The following TGFB3 variants were observed in gnomAD, a reference collection of about 807,000 sequenced individuals.
TGFB3 encodes transforming growth factor beta 3.
TGFB3 carries 5 observed loss-of-function variants against 40.1 expected under a neutral mutation model. The ratio of observed to expected loss-of-function variants is 0.12; its 90% CI spans 0.07 to 0.26. The LOEUF is 0.26. TGFB3 is among the 10% of genes least tolerant of loss of function. The pLI, the probability that TGFB3 is intolerant of heterozygous loss-of-function variation, is 1.00. For missense variants in TGFB3, 373 were observed against 530.1 expected (o/e 0.70, Z 2.91); for synonymous variants, 184 against 205.6 (o/e 0.89, Z 0.90).
At chr14:75,961,180 G>A in intron 5 of TGFB3, 104 bp from the exon 6 acceptor site, 1 of 1,371,324 alleles carries the variant, frequency 7.3e-7, no homozygotes, top group South Asian at 1.2e-5. Context: ...TGCCATCATA[G>A]GTGGCTCTGA....
At chr14:75,969,497 T>C (rs561157349) in intron 3 of TGFB3, among the ~76,000 whole-genome samples, 1 of 152,322 alleles carries the variant, frequency 6.6e-6, no homozygotes, top group Admixed American at 6.5e-5. Flanking sequence ...TGTTTCCTTA[T>C]CTAAAATAAG....
chr14:75,982,465 G>C (rs2035447755), upstream of TGFB3, among the ~76,000 whole-genome samples: 1 of 152,110 alleles, frequency 6.6e-6, no homozygotes, highest in South Asian at 2.1e-4. This position sits in a 1 kb window ranked among gnomAD's most constrained non-coding sequence, Gnocchi z 4.0. Context: ...CCTGCGAGCC[G>C]GGTCGGAGGG....
chr14:75,961,283 CAG>C (rs1347775654), intron 5 of TGFB3, among the ~76,000 whole-genome samples: 7 of 152,256 alleles, frequency 4.6e-5, no homozygotes, highest in East Asian at 3.9e-4. Flanking sequence ...ATGTAAGAAA[CAG>C]AGATAAATGC....
Position 75,971,352 on chromosome 14 carries a change from C to T in TGFB3, c.517-97G>A, listed in dbSNP as rs566500252. 10 of 1,584,792 alleles carry T rather than the reference C, an allele frequency of 6.3e-6. No homozygotes were observed. Among genetic ancestry groups the T allele is most frequent in the Non-Finnish European group, 8.6e-6 (10 of 1,159,518 alleles). On this transcript the variant is annotated intron_variant, in intron 2 of 6. Coordinates refer to ENST00000238682, the MANE Select transcript of TGFB3 (RefSeq NM_003239.5). This position sits in a 1 kb window ranked among gnomAD's most constrained non-coding sequence, Gnocchi z 4.5. ...CACAGGTGAGGGAGCGATAGGAAAC[C>T]AGTGGTTCCTGAATGCCATGGCCCT... is the stretch of plus-strand genomic sequence containing the variant.
Position 75,980,395 on chromosome 14 carries a change from C to CGGAG in TGFB3, c.352+143_352+146dup, listed in dbSNP as rs1307684595. 3 of 861,420 alleles carry CGGAG rather than the reference C, an allele frequency of 3.5e-6. No homozygotes were observed. Among genetic ancestry groups the CGGAG allele is most frequent in the Non-Finnish European group, 5.7e-6 (3 of 522,450 alleles). The allele number at this position is 861,420 out of a possible 1,614,324, so 53.4% of individuals were successfully genotyped here. A position where few individuals can be genotyped will look rare whatever the true frequency, so the allele number is the denominator to read the frequency against. Reference sequence around the variant, plus strand: ...TCCCCACCCACCTCCCCAGCCCCAACGGAGGAGCATCGCACATCCTGAGCC... The same window carrying CGGAG: ...TCCCCACCCACCTCCCCAGCCCCAACGGAGGGAGGAGCATCGCACATCCTGAGCC... On this transcript the variant is annotated intron_variant, in intron 1 of 6. Coordinates refer to ENST00000238682, the MANE Select transcript of TGFB3 (RefSeq NM_003239.5). The surrounding 1 kb of genome is among the most constrained non-coding windows in gnomAD (Gnocchi z 4.3).
intron 1 of TGFB3, among the ~76,000 whole-genome samples, chr14:75,973,241 G>A (rs996169576): frequency 6.6e-6 from 1 of 152,252 alleles, no homozygotes; most frequent in African/African-American, 2.4e-5. Context: ...GGTTGTTGAG[G>A]AAGTCACAGA....
rs554391226 is a variant in TGFB3, at chr14:75,964,944, G to A, written c.754+644C>T. ...CCGCAGTTACCCAAAATGGGAATAT[G>A]AAAGGAAAAGAGAACTTCCCTGAAC... On this transcript the variant is annotated intron_variant, in intron 4 of 6. Transcript: ENST00000238682. Among the ~76,000 whole-genome samples, 7 of 152,328 alleles carry A rather than the reference G, an allele frequency of 4.6e-5. No homozygotes were observed. In the South Asian group the frequency reaches 1.5e-3, roughly 32 times the overall value.
intron 1 of TGFB3, among the ~76,000 whole-genome samples, chr14:75,972,926 C>G (rs1482639084): frequency 6.6e-6 from 1 of 152,192 alleles, no homozygotes; most frequent in African/African-American, 2.4e-5. Context: ...ACCATTGGCT[C>G]CTTTCTCTTT....
At position 75,971,340 on chromosome 14, in the gene TGFB3, G is replaced by T; in HGVS notation, c.517-85C>A. ...CACAATGCAGAGCACAGGTGAGGGAGCGATAGGAAACCAGTGGTTCCTGAA... is the reference window on the plus strand; with the variant it reads ...CACAATGCAGAGCACAGGTGAGGGATCGATAGGAAACCAGTGGTTCCTGAA... On this transcript the variant is annotated intron_variant, in intron 2 of 6. Transcript: ENST00000238682. The surrounding 1 kb of genome is among the most constrained non-coding windows in gnomAD (Gnocchi z 4.5). The T allele has an allele frequency of 6.2e-7, 1 of 1,602,924 alleles. No homozygotes were observed.
chr14:75,960,843 C>G (rs1046965155), intron 6 of TGFB3, 80 bp downstream of exon 6: 1 of 1,590,036 alleles, frequency 6.3e-7, no homozygotes, highest in Non-Finnish European at 8.6e-7. Context: ...ACTCAACATT[C>G]AATCCTTCAC....
In TGFB3 at chr14:75,979,919, C is replaced by T. The variant is rs2035403752; in HGVS notation, c.352+623G>A. On this transcript the variant is annotated intron_variant, in intron 1 of 6. Transcript: ENST00000238682. The surrounding 1 kb of genome is among the most constrained non-coding windows in gnomAD (Gnocchi z 4.8). ...CCCTGGGAACATTCGTGCATACCCT[C>T]TTCCTTCCACACACACAGCTCACGT... Among the ~76,000 whole-genome samples, 1 of 152,202 alleles carries T rather than the reference C, an allele frequency of 6.6e-6. No individual in the cohort carries two copies. Among genetic ancestry groups the T allele is most frequent in the African/African-American group, 2.4e-5 (1 of 41,466 alleles).
intron 1 of TGFB3, among the ~76,000 whole-genome samples, chr14:75,974,630 TG>T (rs915731196): frequency 4.0e-5 from 6 of 151,854 alleles, no homozygotes; most frequent in African/African-American, 1.5e-4. Flanking sequence ...CCAGGCATGA[TG>T]GTGCATGCTT....
rs2035383792 is a variant in TGFB3, at chr14:75,978,674, C to T, written c.352+1868G>A. On this transcript the variant is annotated intron_variant, in intron 1 of 6. Coordinates refer to ENST00000238682, the MANE Select transcript of TGFB3 (RefSeq NM_003239.5). The surrounding 1 kb of genome is among the most constrained non-coding windows in gnomAD (Gnocchi z 5.0). The stretch of plus-strand genomic sequence containing the variant: ...TTGGTACTGCAGCCTGGAAGCTGCC[C>T]AGCATCTATGGGGCCCTGCCCGGGC... Among the ~76,000 whole-genome samples the T allele has an allele frequency of 6.6e-6, 1 of 152,236 alleles. No homozygotes were observed. Among genetic ancestry groups the T allele is most frequent in the Non-Finnish European group, 1.5e-5 (1 of 68,036 alleles).
Position 75,971,218 on chromosome 14 carries a change from T to C in TGFB3, c.554A>G (p.Tyr185Cys), listed in dbSNP as rs1398807973. Residue 185 changes from tyrosine to cysteine, a missense_variant, in exon 3 of 7, where the codon TAT (tyrosine) becomes TGT (cysteine). Transcript: ENST00000238682. This position sits in a 1 kb window ranked among gnomAD's most constrained non-coding sequence, Gnocchi z 4.5. ...RPDEHIAKQRYIGGKNLPTRG... is the reference protein window; with the variant it reads ...RPDEHIAKQRCIGGKNLPTRG... ...TGTGGGCAGATTCTTGCCACCGATA[T>C]AGCGCTGTTTGGCAATGTGCTCATC... 5 of 1,613,976 alleles carry C rather than the reference T, an allele frequency of 3.1e-6. No individual in the cohort carries two copies. Among genetic ancestry groups the C allele is most frequent in the Non-Finnish European group, 4.2e-6 (5 of 1,180,020 alleles).
At position 75,979,285 on chromosome 14, in the gene TGFB3, T is replaced by C. The variant is rs990333948; in HGVS notation, c.352+1257A>G. Among the ~76,000 whole-genome samples the C allele has an allele frequency of 1.3e-5, 2 of 152,110 alleles. No individual in the cohort carries two copies. The highest frequency in any genetic ancestry group is 4.8e-5 in the African/African-American group (2 of 41,422). On this transcript the variant is annotated intron_variant, in intron 1 of 6. Coordinates refer to ENST00000238682, the MANE Select transcript of TGFB3 (RefSeq NM_003239.5). The surrounding 1 kb of genome is among the most constrained non-coding windows in gnomAD (Gnocchi z 4.8). ...TCCACCCATCGGTACCCACTCCTGTTCCTTCTCTCCAGCCAGGTTCCTTTC... is the reference window on the plus strand; with the variant it reads ...TCCACCCATCGGTACCCACTCCTGTCCCTTCTCTCCAGCCAGGTTCCTTTC...
upstream of TGFB3, among the ~76,000 whole-genome samples, chr14:75,982,611 T>A: frequency 7.7e-6 from 1 of 130,396 alleles, no homozygotes; most frequent in East Asian, 2.4e-4. The surrounding 1 kb of genome is among the most constrained non-coding windows in gnomAD (Gnocchi z 4.0). Context: ...GGGTGCCCTC[T>A]GGCGAGGCGA....
chr14:75,977,236 G>C (rs2284792), intron 1 of TGFB3, among the ~76,000 whole-genome samples: 4 of 152,062 alleles, frequency 2.6e-5, no homozygotes, highest in African/African-American at 9.7e-5. Context: ...ACAAGTCTCC[G>C]AACAGAGACA....
At chr14:75,959,531 G>C (rs556766394) in intron 6 of TGFB3, among the ~76,000 whole-genome samples, 186 bp from the exon 7 acceptor site, 2 of 152,286 alleles carry the variant, frequency 1.3e-5, no homozygotes, top group East Asian at 3.9e-4. Flanking sequence ...GGACTTGGGA[G>C]GCAGAGGCAG....
Position 75,981,160 on chromosome 14 carries a change from T to G in TGFB3, c.-267A>C, listed in dbSNP as rs2140255168. On this transcript the variant is annotated 5_prime_UTR_variant, in exon 1 of 7. Coordinates refer to ENST00000238682, the MANE Select transcript of TGFB3 (RefSeq NM_003239.5). The surrounding 1 kb of genome is among the most constrained non-coding windows in gnomAD (Gnocchi z 4.7). ...TGTCTAAACAGGTTTTGCTGGGCTC[T>G]GACTCCCAGCAGGCCAGGTGGAGGG... 2.0e-6 allele frequency: 1 copy of G among 493,086 alleles called. No individual in the cohort carries two copies. The highest frequency in any genetic ancestry group is 2.1e-5 in the South Asian group (1 of 48,570). 30.5% of individuals were successfully genotyped at this position (493,086 alleles called of 1,614,324 possible). A position where few individuals can be genotyped will look rare whatever the true frequency, so the allele number is the denominator to read the frequency against.
Sources: gnomAD v4.1 joint callset for allele counts (sites outside exome capture counted in the v4.1 genomes callset) on GRCh38, gnomAD v4.1.1 for gene constraint, Gnocchi (gnomAD v3.1) non-coding constraint, MANE v1.5 for transcripts, NCBI Gene and HGNC (gene_info 2026-07-23, HGNC 2026-07-21) for gene names.